DENND4A: variants seen among roughly 807,000 people sequenced by gnomAD.
The protein encoded by DENND4A is C-myc promoter-binding protein.
DENND4A carries 70 observed loss-of-function variants against 199.3 expected under a neutral mutation model. The observed-to-expected ratio is 0.35, with a 90% confidence interval of 0.29 to 0.43. DENND4A has a LOEUF of 0.43. Among genes scored for constraint, DENND4A ranks in the 20% least tolerant of loss-of-function variants. The pLI is 1.00. For synonymous variants in DENND4A, 686 were observed against 766.9 expected, an observed-to-expected ratio of 0.89 and a Z score of 1.74; for missense variants, 1,723 against 2,255.8, an observed-to-expected ratio of 0.76 and a Z score of 4.78.
intron 18 of DENND4A, 25 bp from the exon 19 acceptor site, chr15:65,701,217 A>G: frequency 6.7e-7 from 1 of 1,492,856 alleles, no homozygotes; most frequent in Non-Finnish European, 8.9e-7. Context: ...AAATAAAATA[A>G]TTAGTAAAAT....
chr15:65,718,860 G>C lies in DENND4A; in HGVS notation c.1589-864C>G, dbSNP rs111671988. Among the ~76,000 whole-genome samples, 737 of 131,540 alleles carry C rather than the reference G, an allele frequency of 5.6e-3. 6 individuals are homozygous for C. The highest frequency in any genetic ancestry group is 0.01 in the Admixed American group (113 of 10,900). 86.3% of individuals were successfully genotyped at this position (131,540 alleles called of 152,430 possible). ...AGTGGCACGATCTCAGCTTACTGCA[G>C]CCCCTACCTCCCGGGCTCCAGAGAT... On this transcript the variant is annotated intron_variant, in intron 12 of 32. Coordinates refer to ENST00000443035, the MANE Select transcript of DENND4A (RefSeq NM_001320835.1).
chr15:65,661,618 C>G lies in DENND4A; in HGVS notation c.*233G>C. Reference sequence around the variant, plus strand: ...CCTCATCACAAAAATACTTTATTTCCTATTACAGGGGAGTTAAAGAAGAAG... The same window carrying G: ...CCTCATCACAAAAATACTTTATTTCGTATTACAGGGGAGTTAAAGAAGAAG... On this transcript the variant is annotated 3_prime_UTR_variant, in exon 33 of 33. Coordinates refer to ENST00000443035, the MANE Select transcript of DENND4A (RefSeq NM_001320835.1). 3 of 333,026 alleles carry G rather than the reference C, an allele frequency of 9.0e-6. No individual in the cohort carries two copies. The highest frequency in any genetic ancestry group is 5.4e-6 in the Non-Finnish European group (1 of 184,724). 20.6% of individuals were successfully genotyped at this position (333,026 alleles called of 1,614,324 possible).
At chr15:65,789,580 A>T (rs1202364156) in intron 1 of DENND4A, among the ~76,000 whole-genome samples, 1 of 152,120 alleles carries the variant, frequency 6.6e-6, no homozygotes, top group Non-Finnish European at 1.5e-5. Flanking sequence ...TGGTAGGAAA[A>T]AGGAAAAATC....
At chr15:65,671,760 A>G in intron 25 of DENND4A, 32 bp downstream of exon 25, 1 of 1,308,232 alleles carries the variant, frequency 7.6e-7, no homozygotes, top group Non-Finnish European at 1.1e-6. Context: ...ATAAAGCAGT[A>G]TATGAAGATT....
chr15:65,740,222 A>T (rs1033254741), intron 5 of DENND4A, among the ~76,000 whole-genome samples: 1 of 151,496 alleles, frequency 6.6e-6, no homozygotes, highest in African/African-American at 2.4e-5. Context: ...ATGACTCATA[A>T]TCTTCTTGAG....
Position 65,671,862 on chromosome 15 carries a change from G to A in DENND4A, c.4394C>T (p.Pro1465Leu). Residue 1465 changes from proline to leucine, a missense_variant, in exon 25 of 33, where the codon CCT becomes CTT. Pro to Leu is a moderately conservative substitution (Grantham distance 98). This residue lies in a region of DENND4A where 650 missense variants were observed against 738.1 expected (regional missense o/e 0.88). Transcript: ENST00000443035. ...LEGSLSKFAL[P>L]GKSEVTSSFN... is the part of the protein sequence containing the mutation. ...GGAAGATGTCACTTCTGATTTCCCA[G>A]GTAAGGCAAACTTCGACAGAGATCC... 6.2e-7 allele frequency: 1 copy of A among 1,611,568 alleles called. No homozygotes were observed. The highest frequency in any genetic ancestry group is 8.5e-7 in the Non-Finnish European group (1 of 1,177,770).
At chr15:65,741,475 T>C (rs2076260033) in intron 5 of DENND4A, among the ~76,000 whole-genome samples, 1 of 152,202 alleles carries the variant, frequency 6.6e-6, no homozygotes, top group Non-Finnish European at 1.5e-5. Flanking sequence ...TTAAAGATAA[T>C]TGAGATCTTA....
intron 5 of DENND4A, 28 bp from the exon 6 acceptor site, chr15:65,738,903 C>A: frequency 1.4e-6 from 2 of 1,470,256 alleles, no homozygotes; most frequent in South Asian, 2.8e-5. Context: ...AATATTAGGT[C>A]ATCATCTCTT....
intron 1 of DENND4A, among the ~76,000 whole-genome samples, chr15:65,764,166 C>T (rs2076923409): frequency 6.6e-6 from 1 of 152,028 alleles, no homozygotes. Flanking sequence ...CTGTTTTGAC[C>T]ATAACTCTGC....
At chr15:65,742,965 A>ACACAATCCATG in intron 4 of DENND4A, among the ~76,000 whole-genome samples, 1 of 152,340 alleles carries the variant, frequency 6.6e-6, no homozygotes, top group Admixed American at 6.5e-5. Context: ...CACATTCCTT[A>ACACAATCCATG]CACAATCCAT....
At chr15:65,729,299 A>G in intron 10 of DENND4A, 52 bp from the exon 11 acceptor site, 1 of 1,527,324 alleles carries the variant, frequency 6.5e-7, no homozygotes, top group South Asian at 1.2e-5. Flanking sequence ...ACTGAAGCAT[A>G]ATTTATCAGC....
chr15:65,701,935 T>A, intron 17 of DENND4A, 45 bp from the exon 18 acceptor site: 1 of 1,609,902 alleles, frequency 6.2e-7, no homozygotes, highest in Middle Eastern at 1.7e-4. Context: ...GATGTCACCA[T>A]GTACATAAAT....
At chr15:65,731,439 C>T (rs947769575) in intron 9 of DENND4A, 3 of 589,540 alleles carry the variant, frequency 5.1e-6, no homozygotes, top group East Asian at 3.7e-5. Flanking sequence ...ATAATAGATA[C>T]ACAAAATACA....
At chr15:65,698,353 T>C (rs2077225049) in intron 20 of DENND4A, among the ~76,000 whole-genome samples, 1 of 152,166 alleles carries the variant, frequency 6.6e-6, no homozygotes, top group African/African-American at 2.4e-5. Context: ...TTTTAGAAAA[T>C]CGTTTTCACC....
intron 1 of DENND4A, among the ~76,000 whole-genome samples, chr15:65,780,654 T>C (rs983705480): frequency 6.6e-6 from 1 of 152,204 alleles, no homozygotes; most frequent in South Asian, 2.1e-4. Context: ...AATTAAAATA[T>C]TTAAGGGCAA....
chr15:65,771,516 TTAA>T (rs1475670158), intron 1 of DENND4A: 44 of 1,611,614 alleles, frequency 2.7e-5, no homozygotes, highest in East Asian at 2.5e-4. Context: ...ATCAACTGGC[TTAA>T]TAATGACACG....
chr15:65,672,015 A>AT lies in DENND4A; in HGVS notation c.4370-130_4370-129insA. On this transcript the variant is annotated intron_variant, in intron 24 of 32. Coordinates refer to ENST00000443035, the MANE Select transcript of DENND4A (RefSeq NM_001320835.1). ...TCCAGTCAAAATATTAAAACTAATT[A>AT]GGAAAAACAAATAAATAATGAACAA... 4.7e-6 allele frequency: 3 copies of AT among 643,434 alleles called. No homozygotes were observed. In the East Asian group the frequency reaches 8.0e-5, roughly 17 times the overall value. The allele number at this position is 643,434 out of a possible 1,614,324, so 39.9% of individuals were successfully genotyped here.
intron 3 of DENND4A, among the ~76,000 whole-genome samples, chr15:65,754,200 C>A (rs945685486): frequency 3.9e-5 from 6 of 152,056 alleles, no homozygotes; most frequent in African/African-American, 9.7e-5. Context: ...AAAAAAAAAT[C>A]TTCTCAATAT....
intron 21 of DENND4A, chr15:65,697,001 C>A: frequency 2.9e-6 from 1 of 342,268 alleles, no homozygotes; most frequent in Non-Finnish European, 5.4e-6. Context: ...ATATACAGTT[C>A]TACTAAATAC....
Sources: allele counts gnomAD v4.1 joint callset (sites outside exome capture counted in the v4.1 genomes callset), GRCh38; gene constraint gnomAD v4.1.1; regional missense constraint gnomAD v4.1.1; transcripts MANE v1.5; gene names NCBI Gene and HGNC (gene_info 2026-07-23, HGNC 2026-07-21).